Variants in NCOR1 observed in about 807,000 individuals in gnomAD.
NCOR1 encodes the protein nuclear receptor corepressor 1, also known as protein phosphatase 1, regulatory subunit 109.
A neutral mutation model predicts 288.1 loss-of-function variants in NCOR1; 63 were observed. That is an observed-to-expected ratio of 0.22 (90% CI 0.18 to 0.27). The LOEUF (loss-of-function observed/expected upper bound fraction) is 0.27. NCOR1 is among the 10% of genes least tolerant of loss of function. The pLI is 1.00. For synonymous variants in NCOR1, 1,007 were observed against 1,065.9 expected (o/e 0.94, Z 1.08); for missense variants, 2,397 against 3,019.2 (o/e 0.79, Z 4.83).
chr17:16,061,373 A>G (rs753141747), intron 37 of NCOR1, 28 bp downstream of exon 37: 2 of 1,600,042 alleles, frequency 1.2e-6, no homozygotes, highest in East Asian at 4.5e-5. Flanking sequence ...CAGACATCAC[A>G]TTGTGAAACT....
In NCOR1 at chr17:16,030,602, C is replaced by CTTTCCAAG. The variant is rs147988351; in HGVS notation, c.*1686_*1693dup. ...ATATATCTGTTGTAAAAAATACCAA[C>CTTTCCAAG]TTTCCAAGTACTAGGAATGCTGACC... is the stretch of plus-strand genomic sequence containing the variant. On this transcript the variant is annotated 3_prime_UTR_variant, in exon 46 of 46. Transcript: ENST00000268712. 6,669 of 183,068 alleles carry CTTTCCAAG rather than the reference C, an allele frequency of 0.036. 137 individuals are homozygous for CTTTCCAAG. Among genetic ancestry groups the CTTTCCAAG allele is most frequent in the East Asian group, 0.052 (584 of 11,168 alleles). The allele number at this position is 183,068 out of a possible 1,614,324, so 11.3% of individuals were successfully genotyped here. A position where few individuals can be genotyped will look rare whatever the true frequency, so the allele number is the denominator to read the frequency against.
chr17:16,208,504 T>A (rs1215924798), intron 1 of NCOR1, among the ~76,000 whole-genome samples: 2 of 152,146 alleles, frequency 1.3e-5, no homozygotes, highest in Admixed American at 6.5e-5. Flanking sequence ...CCATGTTTAC[T>A]TTCTCTTTCT....
intron 35 of NCOR1, among the ~76,000 whole-genome samples, 198 bp from the exon 36 acceptor site, chr17:16,062,468 C>T (rs967300127): frequency 4.6e-5 from 7 of 152,128 alleles, no homozygotes; most frequent in African/African-American, 1.7e-4. Flanking sequence ...GCAATAAAAC[C>T]GCAGCAGTAA....
intron 27 of NCOR1, among the ~76,000 whole-genome samples, chr17:16,074,724 C>T (rs1210293017): frequency 2.0e-5 from 3 of 148,884 alleles, no homozygotes; most frequent in African/African-American, 5.2e-5. Context: ...ATTTCTATCA[C>T]ATTTGAGTCA....
intron 9 of NCOR1, among the ~76,000 whole-genome samples, chr17:16,147,252 T>C (rs2078130993): frequency 6.6e-6 from 1 of 152,014 alleles, no homozygotes; most frequent in Admixed American, 6.6e-5. Context: ...CTATTAAAAA[T>C]ACAAAAATTA....
intron 21 of NCOR1, among the ~76,000 whole-genome samples, chr17:16,095,290 G>C (rs1279513285): frequency 6.9e-6 from 1 of 145,832 alleles, no homozygotes; most frequent in South Asian, 2.2e-4. Context: ...GTCTCTGCCC[G>C]GCCGCCCCGT....
At position 16,158,805 on chromosome 17, in the gene NCOR1, C is replaced by T; in HGVS notation, c.687G>A (p.Glu229=). The T allele has an allele frequency of 6.2e-7, 1 of 1,614,122 alleles. No individual in the cohort carries two copies. Among genetic ancestry groups the T allele is most frequent in the Non-Finnish European group, 8.5e-7 (1 of 1,179,998 alleles). ...TTTGGACAATACTGCGGTGTTTCTG[C>T]TCCACAGGAGGAGGGGACACGGGCT... is the stretch of plus-strand genomic sequence containing the variant. ...PEKPVSPPPV[E]QKHRSIVQII... Residue 229 remains glutamate (E), a synonymous_variant, in exon 6 of 46, where the codon GAG becomes GAA. Transcript: ENST00000268712.
chr17:16,185,683 C>CAAAAAAAAA (rs58712974), intron 3 of NCOR1, among the ~76,000 whole-genome samples: 1 of 33,388 alleles, frequency 3.0e-5, no homozygotes, highest in Non-Finnish European at 5.2e-5. Context: ...GACTCTTTCT[C>CAAAAAAAAA]AAAAAAAAAA....
chr17:16,044,800 C>A, intron 42 of NCOR1: 3 of 1,118,808 alleles, frequency 2.7e-6, no homozygotes, highest in Non-Finnish European at 2.7e-6. Context: ...GGAGCCTCAT[C>A]TACAATGTAG....
intron 3 of NCOR1, among the ~76,000 whole-genome samples, chr17:16,176,718 G>A (rs2084273255): frequency 6.6e-6 from 1 of 151,954 alleles, no homozygotes; most frequent in African/African-American, 2.4e-5. Flanking sequence ...ACTATTTTCT[G>A]TCACTCAATT....
intron 22 of NCOR1, chr17:16,087,305 A>T (rs1567926718): frequency 7.7e-6 from 10 of 1,304,278 alleles, no homozygotes; most frequent in Non-Finnish European, 1.0e-5. Flanking sequence ...GTTCTAGAGC[A>T]CGTTTGACCT....
rs1387770970 is a variant in NCOR1 at position 16,159,424 on chromosome 17, A to G, written c.619-551T>C. 2.0e-5 allele frequency among the ~76,000 whole-genome samples: 3 copies of G among 151,772 alleles called. No individual in the cohort carries two copies. In the South Asian group the frequency reaches 6.2e-4, roughly 32 times the overall value. ...GCAAAACTCTATCTCAAAAAAAAAA[A>G]AAAAAAAAAAAGATTTTAATTCTGA... On this transcript the variant is annotated intron_variant, in intron 5 of 45. Transcript: ENST00000268712.
At position 16,076,102 on chromosome 17, in the gene NCOR1, T is replaced by C. The variant is rs2062416399; in HGVS notation, c.3502-400A>G. ...TGAAATTTGCCGTTTGATACTGGAA[T>C]ACATTCTTAAATAAATGTGGTTAAG... On this transcript the variant is annotated intron_variant, in intron 26 of 45. Coordinates refer to ENST00000268712, the MANE Select transcript of NCOR1 (RefSeq NM_006311.4). 2.0e-5 allele frequency among the ~76,000 whole-genome samples: 3 copies of C among 152,270 alleles called. No homozygotes were observed. The East Asian group carries it at 5.8e-4, about 29-fold the overall frequency.
At chr17:16,068,243 C>T in intron 31 of NCOR1, 122 bp from the exon 32 acceptor site, 1 of 780,978 alleles carries the variant, frequency 1.3e-6, no homozygotes, top group Non-Finnish European at 2.0e-6. Flanking sequence ...TCTTTCCACT[C>T]AACATTTAAC....
intron 6 of NCOR1, among the ~76,000 whole-genome samples, chr17:16,156,822 T>G (rs2079888184): frequency 6.6e-6 from 1 of 152,156 alleles, no homozygotes; most frequent in Non-Finnish European, 1.5e-5. Flanking sequence ...AATTCTCTAT[T>G]AGATCAGATC....
chr17:16,108,307 A>C, intron 19 of NCOR1: 1 of 286,018 alleles, frequency 3.5e-6, no homozygotes, highest in East Asian at 8.6e-5. Flanking sequence ...ATTAGTTTAA[A>C]TGACAAAGAT....
chr17:16,127,293 GTA>G lies in NCOR1; in HGVS notation c.1510-1089_1510-1088del, dbSNP rs2074393480. On this transcript the variant is annotated intron_variant, in intron 14 of 45. Transcript: ENST00000268712. ...TGTATGTATATATACGTGTATATAT[GTA>G]TGTATGTATATATACATGTATGTAT... Among the ~76,000 whole-genome samples, 21 of 61,470 alleles carry G rather than the reference GTA, an allele frequency of 3.4e-4. 4 individuals are homozygous for G. Among genetic ancestry groups the G allele is most frequent in the African/African-American group, 1.3e-3 (21 of 15,602 alleles). The allele number at this position is 61,470 out of a possible 152,430, so 40.3% of individuals were successfully genotyped here.
chr17:16,180,285 C>T lies in NCOR1; in HGVS notation c.242+6269G>A, dbSNP rs561409816. Among the ~76,000 whole-genome samples, 13 of 152,084 alleles carry T rather than the reference C, an allele frequency of 8.5e-5. No individual in the cohort carries two copies. In the South Asian group the frequency reaches 1.9e-3, roughly 22 times the overall value. ...TTCTCCAAAAGACAACAAATGTTGG[C>T]GAGGGTATGGAGAAAAGGGAACCCT... On this transcript the variant is annotated intron_variant, in intron 3 of 45. Transcript: ENST00000268712.
chr17:16,177,521 T>C (rs1374533242), intron 3 of NCOR1, among the ~76,000 whole-genome samples: 2 of 152,188 alleles, frequency 1.3e-5, no homozygotes, highest in Non-Finnish European at 2.9e-5. Context: ...TTGTTCCCAC[T>C]TTTTCTGGCA....
Sources: gnomAD v4.1 joint callset for allele counts (sites outside exome capture counted in the v4.1 genomes callset) on GRCh38, gnomAD v4.1.1 for gene constraint, MANE v1.5 for transcripts, NCBI Gene and HGNC (gene_info 2026-07-23, HGNC 2026-07-21) for gene names.